GORASP2: variants seen among roughly 807,000 people sequenced by gnomAD.
The protein encoded by GORASP2 is Golgi reassembly-stacking protein 2.
In GORASP2, 22 loss-of-function variants were observed where a neutral mutation model predicts 45.7. That is an observed-to-expected ratio of 0.48 (90% CI 0.34 to 0.69). The LOEUF (loss-of-function observed/expected upper bound fraction) is 0.69. Ranked by LOEUF, GORASP2 falls within the 30% of genes least tolerant of loss-of-function variation. The pLI is 0.01. For missense variants in GORASP2, 491 were observed against 562.7 expected, an observed-to-expected ratio of 0.87 and a Z score of 1.29; for synonymous variants, 221 against 215.6, an observed-to-expected ratio of 1.02 and a Z score of -0.22.
intron 1 of GORASP2, among the ~76,000 whole-genome samples, chr2:170,943,402 A>G (rs2105316874): frequency 6.6e-6 from 1 of 152,350 alleles, no homozygotes; most frequent in African/African-American, 2.4e-5. Context: ...CAGAGTTAGG[A>G]GGATGAGCTT....
At chr2:170,938,525 G>A (rs1451966248) in intron 1 of GORASP2, among the ~76,000 whole-genome samples, 4 of 152,144 alleles carry the variant, frequency 2.6e-5, no homozygotes, top group Non-Finnish European at 1.5e-5. Context: ...CCTTTTCATT[G>A]CATTGCTACA....
At chr2:170,946,157 G>A (rs766088316) in intron 1 of GORASP2, among the ~76,000 whole-genome samples, 38 of 152,094 alleles carry the variant, frequency 2.5e-4, no homozygotes, top group Non-Finnish European at 5.3e-4. Flanking sequence ...GACTACAGAA[G>A]CATACCCCCA....
At chr2:170,945,968 A>C (rs972899039) in intron 1 of GORASP2, among the ~76,000 whole-genome samples, 1 of 152,186 alleles carries the variant, frequency 6.6e-6, no homozygotes, top group Non-Finnish European at 1.5e-5. Context: ...AAGTCAACCT[A>C]TAAATATCAA....
At chr2:170,937,686 C>T (rs1703987746) in intron 1 of GORASP2, among the ~76,000 whole-genome samples, 1 of 151,326 alleles carries the variant, frequency 6.6e-6, no homozygotes, top group Non-Finnish European at 1.5e-5. Flanking sequence ...AAGAGGGAAA[C>T]AAAGGAGGAA....
intron 1 of GORASP2, chr2:170,936,626 T>A: frequency 7.7e-7 from 1 of 1,299,814 alleles, no homozygotes; most frequent in Non-Finnish European, 1.0e-6. Flanking sequence ...CTTTTAAGCA[T>A]CAATGAGAGA....
chr2:170,963,972 A>C (rs1345033529), intron 9 of GORASP2, among the ~76,000 whole-genome samples: 1 of 151,640 alleles, frequency 6.6e-6, no homozygotes, highest in Non-Finnish European at 1.5e-5. Flanking sequence ...AAAAAAAAAT[A>C]CATATAAAAA....
chr2:170,964,464 C>T (rs779883160), intron 9 of GORASP2, among the ~76,000 whole-genome samples: 3 of 152,114 alleles, frequency 2.0e-5, no homozygotes, highest in Non-Finnish European at 2.9e-5. Flanking sequence ...ACCAGCCTGA[C>T]CAACATGGTG....
intron 7 of GORASP2, among the ~76,000 whole-genome samples, chr2:170,957,796 C>CGTACAGAA (rs1285626925): frequency 6.6e-6 from 1 of 152,020 alleles, no homozygotes; most frequent in Non-Finnish European, 1.5e-5. Context: ...AAAAGAAACC[C>CGTACAGAA]TGTACGCATT....
intron 1 of GORASP2, among the ~76,000 whole-genome samples, chr2:170,947,655 A>T (rs1430967563): frequency 1.3e-5 from 2 of 152,172 alleles, no homozygotes; most frequent in Non-Finnish European, 2.9e-5. Context: ...TTTGCTTTGT[A>T]ACTGAGTGGT....
upstream of GORASP2, chr2:170,929,109 C>G (rs547730373): frequency 5.6e-5 from 22 of 390,274 alleles, no homozygotes; most frequent in African/African-American, 3.1e-4. Context: ...TCCGCCCTCC[C>G]GGCCCGCGAG....
At chr2:170,929,854 G>A (rs759379545) in intron 1 of GORASP2, 44 of 450,984 alleles carry the variant, frequency 9.8e-5, no homozygotes, top group Non-Finnish European at 1.9e-4. Context: ...GGCGGGGCCT[G>A]CGGCGGCAGG....
At position 170,966,427 on chromosome 2, in the gene GORASP2, G is replaced by GTTTTTTTAA; in HGVS notation, c.*298_*299insTTTTTTAAT. On this transcript the variant is annotated 3_prime_UTR_variant, in exon 10 of 10. Coordinates refer to ENST00000234160, the MANE Select transcript of GORASP2 (RefSeq NM_015530.5). ...CTGGGGGTGTGCATCTTCGGGAAAG[G>GTTTTTTTAA]TGGTGGCGGGGCGTCCACTAGGTTT... The GTTTTTTTAA allele has an allele frequency of 2.2e-6, 1 of 461,508 alleles. No individual in the cohort carries two copies. Among genetic ancestry groups the GTTTTTTTAA allele is most frequent in the South Asian group, 2.3e-5 (1 of 43,248 alleles). The allele number at this position is 461,508 out of a possible 1,614,324, so 28.6% of individuals were successfully genotyped here.
At chr2:170,949,054 G>A (rs1704239180) in intron 2 of GORASP2, among the ~76,000 whole-genome samples, 1 of 151,954 alleles carries the variant, frequency 6.6e-6, no homozygotes, top group African/African-American at 2.4e-5. Context: ...ATAAATAAAG[G>A]CCAACATCTG....
At chr2:170,948,793 A>C (rs1194785575) in intron 2 of GORASP2, 1 of 161,286 alleles carries the variant, frequency 6.2e-6, no homozygotes, top group African/African-American at 2.4e-5. Context: ...ATTCTCTCAA[A>C]CTCGTCAGTT....
chr2:170,962,760 A>G (rs879183191), intron 8 of GORASP2, 79 bp from the exon 9 acceptor site: 372 of 902,740 alleles, frequency 4.1e-4, no homozygotes, highest in East Asian at 7.7e-5. Context: ...AGTGGCTGGG[A>G]TTGTTTTTAA....
chr2:170,946,426 C>T (rs1326721828), intron 1 of GORASP2, among the ~76,000 whole-genome samples: 1 of 152,088 alleles, frequency 6.6e-6, no homozygotes, highest in South Asian at 2.1e-4. Context: ...CTGTTACTAG[C>T]TACTAACATT....
chr2:170,933,176 T>G (rs1369908685), intron 1 of GORASP2, among the ~76,000 whole-genome samples: 1 of 152,216 alleles, frequency 6.6e-6, no homozygotes, highest in East Asian at 1.9e-4. Flanking sequence ...TAAAAATTTG[T>G]GTAGAAGTCT....
At chr2:170,949,892 T>A in intron 3 of GORASP2, 150 bp downstream of exon 3, 1 of 646,578 alleles carries the variant, frequency 1.5e-6, no homozygotes, top group Non-Finnish European at 2.7e-6. Flanking sequence ...TTTTTAAGTA[T>A]GGATCAATTT....
At chr2:170,950,437 T>C (rs984714049) in intron 4 of GORASP2, 147 bp downstream of exon 4, 1 of 507,394 alleles carries the variant, frequency 2.0e-6, no homozygotes, top group African/African-American at 2.0e-5. Flanking sequence ...GGGTGTTAAA[T>C]GGAACATCTG....
Sources: allele counts gnomAD v4.1 joint callset (sites outside exome capture counted in the v4.1 genomes callset), GRCh38; gene constraint gnomAD v4.1.1; transcripts MANE v1.5; gene names NCBI Gene and HGNC (gene_info 2026-07-23, HGNC 2026-07-21).